SPATS2: variants seen among roughly 807,000 people sequenced by gnomAD.
The protein encoded by SPATS2 is spermatogenesis associated serine rich 2.
In SPATS2, 38 loss-of-function variants were observed where a neutral mutation model predicts 63.7. That is an observed-to-expected ratio of 0.60 (90% CI 0.46 to 0.78). The LOEUF is 0.78. Among genes scored for constraint, SPATS2 ranks in the 30% least tolerant of loss-of-function variants. The probability of loss-of-function intolerance (pLI) is 0.00; values close to 1 mark genes in which losing one functional copy is unlikely to be tolerated. For synonymous variants in SPATS2, 207 were observed against 232.9 expected, an observed-to-expected ratio of 0.89 and a Z score of 1.01; for missense variants, 588 against 666.2, an observed-to-expected ratio of 0.88 and a Z score of 1.29.
intron 6 of SPATS2, among the ~76,000 whole-genome samples, chr12:49,492,259 G>A (rs1166287997): frequency 1.4e-5 from 2 of 146,488 alleles, no homozygotes; most frequent in Admixed American, 6.9e-5. Context: ...TTGCTCTGTC[G>A]CCCAGGCTGG....
intron 2 of SPATS2, among the ~76,000 whole-genome samples, chr12:49,411,857 C>T (rs1289494871): frequency 6.6e-6 from 1 of 152,118 alleles, no homozygotes; most frequent in Non-Finnish European, 1.5e-5. Flanking sequence ...CCAATTAGTT[C>T]TTGGCTCAGC....
At chr12:49,523,376 G>A (rs1946974796) in intron 12 of SPATS2, among the ~76,000 whole-genome samples, 1 of 150,756 alleles carries the variant, frequency 6.6e-6, no homozygotes, top group Non-Finnish European at 1.5e-5. Context: ...AGCTACTCAG[G>A]AGGTGGGGTG....
chr12:49,415,788 T>C (rs1944879171), intron 2 of SPATS2, among the ~76,000 whole-genome samples: 2 of 152,222 alleles, frequency 1.3e-5, no homozygotes, highest in South Asian at 4.1e-4. Context: ...ACTTATACAA[T>C]ATGTAAACTA....
intron 2 of SPATS2, among the ~76,000 whole-genome samples, chr12:49,391,449 T>C (rs1401340308): frequency 6.6e-6 from 1 of 151,438 alleles, no homozygotes; most frequent in African/African-American, 2.4e-5. Flanking sequence ...GAGGCGGAGG[T>C]TGCAGTGAGC....
chr12:49,379,869 C>T (rs1040543675), intron 2 of SPATS2, among the ~76,000 whole-genome samples: 9 of 152,000 alleles, frequency 5.9e-5, no homozygotes, highest in Non-Finnish European at 1.0e-4. Context: ...GTGATCTGCC[C>T]GCCTTGGCCT....
chr12:49,480,455 G>C (rs1946186461), intron 3 of SPATS2, among the ~76,000 whole-genome samples: 1 of 152,086 alleles, frequency 6.6e-6, no homozygotes, highest in African/African-American at 2.4e-5. Context: ...ATGCATTGTT[G>C]TTATATTGAG....
At chr12:49,414,214 T>C (rs1361061721) in intron 2 of SPATS2, among the ~76,000 whole-genome samples, 1 of 152,148 alleles carries the variant, frequency 6.6e-6, no homozygotes, top group Admixed American at 6.5e-5. Context: ...GTGACTCTTA[T>C]GGGAAGGGAG....
At chr12:49,400,660 A>C (rs1288262337) in intron 2 of SPATS2, among the ~76,000 whole-genome samples, 1 of 152,110 alleles carries the variant, frequency 6.6e-6, no homozygotes, top group Non-Finnish European at 1.5e-5. Context: ...TCACTGAGGA[A>C]GTGGAAGGGC....
At chr12:49,514,154 CA>C (rs5798108) in intron 9 of SPATS2, among the ~76,000 whole-genome samples, 45,579 of 117,492 alleles carry the variant, frequency 0.39, 10,170 homozygotes, top group African/African-American at 0.69. Context: ...GACTCCGTCT[CA>C]AAAAAAAAAA....
At chr12:49,504,733 CG>C (rs1357166562) in intron 9 of SPATS2, among the ~76,000 whole-genome samples, 6 of 12,182 alleles carry the variant, frequency 4.9e-4, no homozygotes, top group Admixed American at 2.8e-3. Flanking sequence ...TTTATTGGCG[CG>C]TTTTTTTTTT....
At chr12:49,388,121 A>G (rs759063042) in intron 2 of SPATS2, among the ~76,000 whole-genome samples, 17 of 152,030 alleles carry the variant, frequency 1.1e-4, no homozygotes, top group Non-Finnish European at 2.4e-4. Flanking sequence ...ACTAATATTA[A>G]TGAATGAATA....
chr12:49,457,785 G>T (rs752138332), intron 2 of SPATS2, among the ~76,000 whole-genome samples: 32 of 152,144 alleles, frequency 2.1e-4, no homozygotes, highest in Non-Finnish European at 4.1e-4. Flanking sequence ...GCTTGCCACT[G>T]AAGGGTTCAG....
intron 2 of SPATS2, among the ~76,000 whole-genome samples, chr12:49,422,572 A>G (rs1042929814): frequency 2.0e-5 from 3 of 152,114 alleles, no homozygotes; most frequent in Admixed American, 6.6e-5. Context: ...ATAAAATTGC[A>G]TTATTAGTAT....
At chr12:49,381,483 T>C (rs1023530058) in intron 2 of SPATS2, among the ~76,000 whole-genome samples, 1 of 152,312 alleles carries the variant, frequency 6.6e-6, no homozygotes, top group Middle Eastern at 3.4e-3. Flanking sequence ...TAATTGATGC[T>C]CCCAAATCAA....
In SPATS2 at chr12:49,500,704, G is replaced by A. The variant is rs528061615; in HGVS notation, c.839+499G>A. On this transcript the variant is annotated intron_variant, in intron 9 of 13. Transcript: ENST00000552918. The stretch of plus-strand genomic sequence containing the variant: ...GGAGAATGGCGTGAACCCGGGAGGC[G>A]GAGCTTGCAGTGAGCCAAGATCTCG... Among the ~76,000 whole-genome samples the A allele has an allele frequency of 4.3e-4, 66 of 152,066 alleles. 1 individual carries two copies. Among genetic ancestry groups the A allele is most frequent in the Non-Finnish European group, 2.8e-4 (19 of 67,996 alleles).
At chr12:49,443,699 A>G (rs1945463540) in intron 2 of SPATS2, among the ~76,000 whole-genome samples, 1 of 152,076 alleles carries the variant, frequency 6.6e-6, no homozygotes. Flanking sequence ...ATTTTTATGT[A>G]TTTGGAAGTC....
At chr12:49,459,070 G>C (rs532386510) in intron 2 of SPATS2, among the ~76,000 whole-genome samples, 3 of 152,322 alleles carry the variant, frequency 2.0e-5, no homozygotes, top group South Asian at 2.1e-4. Context: ...TAAGCGAATA[G>C]AATGTAGAGG....
chr12:49,525,029 A>G (rs1947009554), intron 13 of SPATS2, 133 bp downstream of exon 13: 1 of 885,344 alleles, frequency 1.1e-6, no homozygotes, highest in East Asian at 2.7e-5. Context: ...CTCCAACCCA[A>G]GTTAGTTCCT....
chr12:49,494,212 C>T (rs12316170), intron 6 of SPATS2, among the ~76,000 whole-genome samples: 28,437 of 151,978 alleles, frequency 0.19, 3,647 homozygotes, highest in African/African-American at 0.37. Context: ...ATGAAAATGG[C>T]TGTTTCTCTA....
Sources: gnomAD v4.1 joint callset for allele counts (sites outside exome capture counted in the v4.1 genomes callset) on GRCh38, gnomAD v4.1.1 for gene constraint, MANE v1.5 for transcripts, NCBI Gene and HGNC (gene_info 2026-07-23, HGNC 2026-07-21) for gene names.